CLEC18B: variants seen among roughly 807,000 people sequenced by gnomAD.
The protein encoded by CLEC18B is mannose receptor-like 2.
A neutral mutation model predicts 60.4 loss-of-function variants in CLEC18B; 5 were observed. That is an observed-to-expected ratio of 0.08 (90% CI 0.04 to 0.17). CLEC18B has a LOEUF of 0.17. CLEC18B is among the 10% of genes least tolerant of loss of function. The probability of loss-of-function intolerance (pLI) is 1.00; values close to 1 mark genes in which losing one functional copy is unlikely to be tolerated. For synonymous variants in CLEC18B, 16 were observed against 221.2 expected, an observed-to-expected ratio of 0.07 and a Z score of 8.23; for missense variants, 26 against 572.8, an observed-to-expected ratio of 0.05 and a Z score of 9.74.
At chr16:74,411,467 G>A (rs1183955591) in intron 8 of CLEC18B, 1 of 608,808 alleles carries the variant, frequency 1.6e-6, no homozygotes, top group African/African-American at 1.9e-5. Flanking sequence ...TTAGATGGAG[G>A]TTGGTCTTGA....
chr16:74,422,383 C>G (rs1190793498), upstream of CLEC18B: 4 of 152,110 alleles, frequency 2.6e-5, no homozygotes, highest in Admixed American at 2.6e-4. Context: ...CCCCTGGCCC[C>G]TGAGCCCACA....
chr16:74,421,179 G>C lies in CLEC18B; in HGVS notation c.92C>G (p.Pro31Arg), dbSNP rs746571874. The change falls in exon 1 of 12, where the codon CCC becomes CGC. Residue 31 changes from proline (P) to arginine (R), a missense_variant. Transcript: ENST00000682950. ...CATCGGAGCCTGCTCCTGCAGCTGG[G>C]GTGGCCACACCTCTGCCCAGGTGGT... ...LGTTWAEVWPPQLQEQAPMAG... is the reference protein window; with the variant it reads ...LGTTWAEVWPRQLQEQAPMAG... The C allele has an allele frequency of 6.2e-7, 1 of 1,609,262 alleles. No homozygotes were observed. Among genetic ancestry groups the C allele is most frequent in the Non-Finnish European group, 8.5e-7 (1 of 1,179,490 alleles).
At chr16:74,413,839 T>C (rs574897399) in intron 3 of CLEC18B, among the ~76,000 whole-genome samples, 163 bp from the exon 4 acceptor site, 1 of 152,288 alleles carries the variant, frequency 6.6e-6, no homozygotes, top group African/African-American at 2.4e-5. Flanking sequence ...GTGGGAATAG[T>C]TCAGGAAGGC....
chr16:74,414,355 C>T (rs2013331294), intron 3 of CLEC18B, among the ~76,000 whole-genome samples: 2 of 152,254 alleles, frequency 1.3e-5, no homozygotes, highest in Admixed American at 1.3e-4. Context: ...TGTGACTCTG[C>T]AGCTTTTTGC....
chr16:74,421,910 C>T (rs2013703713), upstream of CLEC18B: 1 of 140,818 alleles, frequency 7.1e-6, no homozygotes, highest in Admixed American at 7.4e-5. Context: ...GGGGGGTGGG[C>T]TGAGGCCGCA....
intron 2 of CLEC18B, among the ~76,000 whole-genome samples, chr16:74,418,999 G>A (rs2013550903): frequency 6.6e-6 from 1 of 152,220 alleles, no homozygotes; most frequent in East Asian, 1.9e-4. Flanking sequence ...TCACCATGTT[G>A]GCCATTGCTG....
At chr16:74,418,990 C>T (rs1436187750) in intron 2 of CLEC18B, among the ~76,000 whole-genome samples, 1 of 152,248 alleles carries the variant, frequency 6.6e-6, no homozygotes, top group Non-Finnish European at 1.5e-5. Flanking sequence ...GACGGGGTTT[C>T]ACCATGTTGG....
At chr16:74,423,767 A>G (rs1360116600), upstream of CLEC18B, among the ~76,000 whole-genome samples, 1 of 151,324 alleles carries the variant, frequency 6.6e-6, no homozygotes, top group African/African-American at 2.4e-5. Flanking sequence ...CTGAGTGGAT[A>G]AAAGATTAAT....
chr16:74,413,738 G>A (rs2013294286), intron 3 of CLEC18B, 62 bp from the exon 4 acceptor site: 1 of 1,612,814 alleles, frequency 6.2e-7, no homozygotes, highest in Non-Finnish European at 8.5e-7. Context: ...GGGGGACACA[G>A]CTTTCGCTAT....
rs750045397 is a variant in CLEC18B, at chr16:74,413,573, G to A, written c.554+6C>T. The A allele has an allele frequency of 1.2e-6, 2 of 1,614,090 alleles. No individual in the cohort carries two copies. The highest frequency in any genetic ancestry group is 1.3e-5 in the African/African-American group (1 of 75,080). Reference sequence around the variant, plus strand: ...ACATCCCAGCAGAAGGTGTAGCAGGGCTTACCCGGGGGAGTAGGCACAGAC... The same window carrying A: ...ACATCCCAGCAGAAGGTGTAGCAGGACTTACCCGGGGGAGTAGGCACAGAC... On this transcript the variant is annotated splice_donor_region_variant and intron_variant, in intron 4 of 11. Coordinates refer to ENST00000682950, the MANE Select transcript of CLEC18B (RefSeq NM_001385193.1).
At chr16:74,422,406 G>A (rs1386973072), upstream of CLEC18B, 19 of 152,018 alleles carry the variant, frequency 1.2e-4, no homozygotes, top group Middle Eastern at 3.4e-3. Context: ...CTCTCGGAGC[G>A]GGGTTCCAAC....
chr16:74,420,923 C>A (rs1175681670), intron 1 of CLEC18B, among the ~76,000 whole-genome samples: 2 of 111,630 alleles, frequency 1.8e-5, no homozygotes, highest in East Asian at 5.8e-4. Context: ...CGGCGTTCCT[C>A]CTTGACCCCA....
rs1175616492 is a variant in CLEC18B at position 74,421,309 on chromosome 16, G to A, written c.-39C>T. 6.2e-7 allele frequency: 1 copy of A among 1,609,610 alleles called. No homozygotes were observed. The highest frequency in any genetic ancestry group is 8.5e-7 in the Non-Finnish European group (1 of 1,179,168). ...CCGTCAGGCGCTCCGTGCACAGCCTGGCTCAGCCACCCGGCTTGTTTCTCA... is the reference window on the plus strand; with the variant it reads ...CCGTCAGGCGCTCCGTGCACAGCCTAGCTCAGCCACCCGGCTTGTTTCTCA... On this transcript the variant is annotated 5_prime_UTR_variant, in exon 1 of 12. Coordinates refer to ENST00000682950, the MANE Select transcript of CLEC18B (RefSeq NM_001385193.1).
chr16:74,415,951 T>C (rs2013396516), intron 3 of CLEC18B, among the ~76,000 whole-genome samples: 1 of 151,220 alleles, frequency 6.6e-6, no homozygotes, highest in Non-Finnish European at 1.5e-5. Context: ...TTTCACACCT[T>C]TGAGTCTGAC....
At chr16:74,411,150 A>AC in intron 8 of CLEC18B, 116 bp from the exon 9 acceptor site, 1 of 1,336,352 alleles carries the variant, frequency 7.5e-7, no homozygotes, top group Non-Finnish European at 1.0e-6. Flanking sequence ...GGCTATCATC[A>AC]CCCCCAGCCC....
At chr16:74,421,805 C>G (rs1224377739), upstream of CLEC18B, 9 of 146,930 alleles carry the variant, frequency 6.1e-5, no homozygotes, top group African/African-American at 2.4e-4. Flanking sequence ...GGAGTTCTTT[C>G]CTTTCTTGGG....
chr16:74,416,132 G>A (rs1295926089), intron 3 of CLEC18B, among the ~76,000 whole-genome samples: 5 of 151,772 alleles, frequency 3.3e-5, no homozygotes, highest in East Asian at 2.0e-4. Flanking sequence ...GTGTGGTGGC[G>A]TGTGCCTGCA....
At chr16:74,413,351 C>T (rs1377651545) in intron 4 of CLEC18B, among the ~76,000 whole-genome samples, 193 bp from the exon 5 acceptor site, 1 of 152,284 alleles carries the variant, frequency 6.6e-6, no homozygotes, top group African/African-American at 2.4e-5. Flanking sequence ...GACAAACTCC[C>T]TGATACCAGG....
In CLEC18B at chr16:74,421,211, G is replaced by A. The variant is rs375542401; in HGVS notation, c.60C>T (p.Leu20=). ...ACACCTCTGCCCAGGTGGTGCCAAG[G>A]AGGGCCAGGAGCACAGCCAGGAGAT... ...RGHLLAVLLA[L]LGTTWAEVWP... Residue 20 remains leucine, a synonymous_variant, in exon 1 of 12, where the codon CTC becomes CTT. Transcript: ENST00000682950. 1.9e-6 allele frequency: 3 copies of A among 1,609,812 alleles called. No homozygotes were observed. The highest frequency in any genetic ancestry group is 2.5e-6 in the Non-Finnish European group (3 of 1,179,584).
Sources: gnomAD v4.1 joint callset for allele counts (sites outside exome capture counted in the v4.1 genomes callset) on GRCh38, gnomAD v4.1.1 for gene constraint, MANE v1.5 for transcripts, NCBI Gene and HGNC (gene_info 2026-07-23, HGNC 2026-07-21) for gene names.